CSNK1G1: variants seen among roughly 807,000 people sequenced by gnomAD.
CSNK1G1 encodes casein kinase I isoform gamma-1.
A neutral mutation model predicts 59.6 loss-of-function variants in CSNK1G1; 22 were observed. That is an observed-to-expected ratio of 0.37 (90% CI 0.26 to 0.53). The LOEUF (loss-of-function observed/expected upper bound fraction) is 0.53. Ranked by LOEUF, CSNK1G1 falls within the 20% of genes least tolerant of loss-of-function variation. The pLI is 0.89. For missense variants in CSNK1G1, 384 were observed against 519.5 expected, an observed-to-expected ratio of 0.74 and a Z score of 2.54; for synonymous variants, 179 against 177.1, an observed-to-expected ratio of 1.01 and a Z score of -0.08.
At chr15:64,229,427 C>T (rs2082510052) in intron 4 of CSNK1G1, among the ~76,000 whole-genome samples, 1 of 152,178 alleles carries the variant, frequency 6.6e-6, no homozygotes, top group Non-Finnish European at 1.5e-5. Flanking sequence ...GGAAAACTGG[C>T]TCAGGAATGG....
rs1436583409 is a variant in CSNK1G1, at chr15:64,356,044, C to G, written c.-281G>C. 6 of 152,256 alleles carry G rather than the reference C, an allele frequency of 3.9e-5. No individual in the cohort carries two copies. Among genetic ancestry groups the G allele is most frequent in the Admixed American group, 3.3e-4 (5 of 15,276 alleles). 9.4% of individuals were successfully genotyped at this position (152,256 alleles called of 1,614,324 possible). On this transcript the variant is annotated 5_prime_UTR_variant, in exon 1 of 12. Coordinates refer to ENST00000303052, the MANE Select transcript of CSNK1G1 (RefSeq NM_022048.5). The stretch of plus-strand genomic sequence containing the variant: ...GGCGGGCGCGGTCCCCTCCCCGAGG[C>G]GCCAAGTGCTTCTCTACCCACCCGC...
At chr15:64,319,364 G>A (rs553273897) in intron 1 of CSNK1G1, among the ~76,000 whole-genome samples, 10 of 151,382 alleles carry the variant, frequency 6.6e-5, no homozygotes, top group South Asian at 4.2e-4. Context: ...TTATTAAAAC[G>A]CATCTACTCT....
chr15:64,253,274 G>T (rs1226978209), intron 3 of CSNK1G1, among the ~76,000 whole-genome samples: 1 of 152,158 alleles, frequency 6.6e-6, no homozygotes, highest in Non-Finnish European at 1.5e-5. Context: ...GAGTCCCAGA[G>T]ATCAAGACTG....
chr15:64,352,447 C>CTTTTTTTTT lies in CSNK1G1; in HGVS notation c.-225+3532_-225+3540dup, dbSNP rs1165768581. 4.4e-3 allele frequency among the ~76,000 whole-genome samples: 390 copies of CTTTTTTTTT among 89,414 alleles called. 33 individuals are homozygous for CTTTTTTTTT. Among genetic ancestry groups the CTTTTTTTTT allele is most frequent in the African/African-American group, 0.016 (367 of 22,726 alleles). 58.7% of individuals were successfully genotyped at this position (89,414 alleles called of 152,430 possible). A position where few individuals can be genotyped will look rare whatever the true frequency, so the allele number is the denominator to read the frequency against. On this transcript the variant is annotated intron_variant, in intron 1 of 11. Transcript: ENST00000303052. ...ATCACAAAACATAATTTGAATTCTT[C>CTTTTTTTTT]TTTTTTTTTTTTTTTTTTTGAGATG... is the stretch of plus-strand genomic sequence containing the variant.
intron 4 of CSNK1G1, among the ~76,000 whole-genome samples, chr15:64,222,958 G>A (rs1338608246): frequency 1.3e-5 from 2 of 152,146 alleles, no homozygotes; most frequent in African/African-American, 4.8e-5. Context: ...AAGTTAAAAA[G>A]ATTTCTCTGT....
intron 4 of CSNK1G1, among the ~76,000 whole-genome samples, chr15:64,229,731 G>A (rs1210877466): frequency 1.3e-5 from 2 of 151,944 alleles, no homozygotes; most frequent in African/African-American, 4.8e-5. Context: ...ATGGCTTGAA[G>A]TGAGAATGCT....
chr15:64,235,097 T>C (rs568985431), intron 4 of CSNK1G1, among the ~76,000 whole-genome samples: 4 of 151,980 alleles, frequency 2.6e-5, no homozygotes, highest in African/African-American at 9.7e-5. Context: ...ACAAGAAGAG[T>C]TGAAAAGAAA....
intron 2 of CSNK1G1, among the ~76,000 whole-genome samples, chr15:64,297,253 G>A (rs550045817): frequency 1.3e-5 from 2 of 152,132 alleles, no homozygotes; most frequent in African/African-American, 2.4e-5. Context: ...GAAGAAACGT[G>A]CTATTTTAAA....
intron 1 of CSNK1G1, among the ~76,000 whole-genome samples, chr15:64,347,584 T>TAAA (rs11456750): frequency 2.4e-5 from 3 of 123,548 alleles, no homozygotes; most frequent in Non-Finnish European, 4.8e-5. Context: ...CACTCCGTCT[T>TAAA]AAAAAAAAAA....
chr15:64,229,280 C>T (rs922436967), intron 4 of CSNK1G1, among the ~76,000 whole-genome samples: 5 of 152,148 alleles, frequency 3.3e-5, no homozygotes, highest in South Asian at 4.1e-4. Context: ...TCTGATAACA[C>T]CACCTTATTC....
At chr15:64,218,535 G>C (rs2082342381) in intron 4 of CSNK1G1, among the ~76,000 whole-genome samples, 1 of 151,892 alleles carries the variant, frequency 6.6e-6, no homozygotes, top group South Asian at 2.1e-4. Context: ...TGAGATTACA[G>C]GCATGGTGTC....
Position 64,305,852 on chromosome 15 carries a change from A to G in CSNK1G1, c.-224-5129T>C, listed in dbSNP as rs565997781. 1.2e-4 allele frequency among the ~76,000 whole-genome samples: 18 copies of G among 152,202 alleles called. No homozygotes were observed. In the South Asian group the frequency reaches 3.3e-3, roughly 28 times the overall value. On this transcript the variant is annotated intron_variant, in intron 1 of 11. Coordinates refer to ENST00000303052, the MANE Select transcript of CSNK1G1 (RefSeq NM_022048.5). ...GATTCACACAAATATATTCATACCA[A>G]TCTTTGACAAAGGAGCAAAGGCAAT...
Position 64,255,461 on chromosome 15 carries a change from T to C in CSNK1G1, c.222+3740A>G, listed in dbSNP as rs149349628. The stretch of plus-strand genomic sequence containing the variant: ...TCATGCTGATGTTGAACAAGTTTCA[T>C]GGTTTGGAACACTTTTATATTATAC... On this transcript the variant is annotated intron_variant, in intron 3 of 11. Coordinates refer to ENST00000303052, the MANE Select transcript of CSNK1G1 (RefSeq NM_022048.5). Among the ~76,000 whole-genome samples the C allele has an allele frequency of 1.6e-3, 248 of 152,286 alleles. 2 individuals are homozygous for C. Among genetic ancestry groups the C allele is most frequent in the African/African-American group, 5.7e-3 (239 of 41,578 alleles).
intron 10 of CSNK1G1, among the ~76,000 whole-genome samples, chr15:64,191,858 G>T (rs1209034370): frequency 6.6e-6 from 1 of 152,186 alleles, no homozygotes; most frequent in Admixed American, 6.5e-5. Context: ...TACTTTGGAA[G>T]CAAGTTTTCG....
At chr15:64,314,690 T>G (rs1294436942) in intron 1 of CSNK1G1, among the ~76,000 whole-genome samples, 5 of 152,156 alleles carry the variant, frequency 3.3e-5, no homozygotes, top group African/African-American at 1.2e-4. Context: ...ATGAGTTCAG[T>G]TGTTTTAGAT....
intron 1 of CSNK1G1, among the ~76,000 whole-genome samples, chr15:64,344,082 TA>T (rs1419338290): frequency 6.6e-6 from 1 of 152,122 alleles, no homozygotes; most frequent in Non-Finnish European, 1.5e-5. Context: ...AAAAATGCTT[TA>T]AAAAATAATA....
chr15:64,224,081 T>TA (rs376441173), intron 4 of CSNK1G1, among the ~76,000 whole-genome samples: 34 of 152,360 alleles, frequency 2.2e-4, no homozygotes, highest in African/African-American at 8.2e-4. Context: ...GCCTAATAAT[T>TA]AGTCTTTCAT....
chr15:64,248,583 G>A (rs1450750120), intron 4 of CSNK1G1, among the ~76,000 whole-genome samples: 1 of 151,964 alleles, frequency 6.6e-6, no homozygotes, highest in East Asian at 1.9e-4. Flanking sequence ...GGACCAATAT[G>A]CAATTACAAT....
rs1165995566 is a variant in CSNK1G1 at position 64,169,525 on chromosome 15, A to C, written c.*2406T>G. 2 of 144,056 alleles carry C rather than the reference A, an allele frequency of 1.4e-5. No individual in the cohort carries two copies. The highest frequency in any genetic ancestry group is 3.9e-4 in the East Asian group (2 of 5,166). 8.9% of individuals were successfully genotyped at this position (144,056 alleles called of 1,614,324 possible). ...TGGGATTACAGGCGTGAGCCACTGC[A>C]CCTGGCCCCCCCTCTGCCCTCTCTT... On this transcript the variant is annotated 3_prime_UTR_variant, in exon 12 of 12. Coordinates refer to ENST00000303052, the MANE Select transcript of CSNK1G1 (RefSeq NM_022048.5).
Sources: gnomAD v4.1 joint callset for allele counts (sites outside exome capture counted in the v4.1 genomes callset) on GRCh38, gnomAD v4.1.1 for gene constraint, MANE v1.5 for transcripts, NCBI Gene and HGNC (gene_info 2026-07-23, HGNC 2026-07-21) for gene names.